Variants in MCUB observed in about 807,000 individuals in gnomAD.
MCUB encodes the protein calcium uniporter regulatory subunit MCUb, mitochondrial.
In MCUB, 46 loss-of-function variants were observed where a neutral mutation model predicts 41.4. That is an observed-to-expected ratio of 1.11 (90% CI 0.88 to 1.42). The LOEUF (loss-of-function observed/expected upper bound fraction) is 1.42, where lower values mean the gene tolerates loss of function less well. Ranked by LOEUF, MCUB falls within the 40% of genes most tolerant of loss-of-function variation. The probability of loss-of-function intolerance (pLI) is 0.00; values close to 1 mark genes in which losing one functional copy is unlikely to be tolerated. For missense variants in MCUB, 403 were observed against 404.9 expected (o/e 1.00, Z 0.04); for synonymous variants, 148 against 148.2 (o/e 1.00, Z 0.01).
intron 4 of MCUB, among the ~76,000 whole-genome samples, chr4:109,670,797 G>A (rs1008850077): frequency 6.6e-6 from 1 of 151,836 alleles, no homozygotes; most frequent in South Asian, 2.1e-4. Flanking sequence ...TCCTGCTGCC[G>A]TAAGGAGGAG....
intron 1 of MCUB, among the ~76,000 whole-genome samples, chr4:109,600,308 C>T (rs148289720): frequency 6.6e-6 from 1 of 152,046 alleles, no homozygotes; most frequent in Non-Finnish European, 1.5e-5. Context: ...GCCATGTAGC[C>T]CTCATCTGAA....
At chr4:109,594,010 G>C (rs140154449) in intron 1 of MCUB, among the ~76,000 whole-genome samples, 2 of 152,272 alleles carry the variant, frequency 1.3e-5, no homozygotes, top group East Asian at 3.9e-4. Flanking sequence ...ACCTTGACTT[G>C]TTCCTTGACA....
chr4:109,613,564 G>T (rs1342053765), intron 1 of MCUB, among the ~76,000 whole-genome samples: 12 of 152,202 alleles, frequency 7.9e-5, no homozygotes, highest in African/African-American at 2.9e-4. Flanking sequence ...TTTCATCAAA[G>T]TATGCAAGCT....
intron 1 of MCUB, among the ~76,000 whole-genome samples, chr4:109,568,770 C>T (rs1005616406): frequency 2.6e-5 from 4 of 152,178 alleles, no homozygotes; most frequent in African/African-American, 9.7e-5. Context: ...AATCTGTGGT[C>T]GGAACTGTTT....
chr4:109,676,290 G>A (rs952138879), intron 4 of MCUB, among the ~76,000 whole-genome samples: 1 of 152,168 alleles, frequency 6.6e-6, no homozygotes, highest in African/African-American at 2.4e-5. Context: ...TATAATCCCG[G>A]CACTTTAGGA....
At chr4:109,589,606 A>G (rs1431981593) in intron 1 of MCUB, among the ~76,000 whole-genome samples, 1 of 152,160 alleles carries the variant, frequency 6.6e-6, no homozygotes, top group Non-Finnish European at 1.5e-5. Flanking sequence ...TATTGAATTG[A>G]GTCCCTTCAG....
intron 1 of MCUB, among the ~76,000 whole-genome samples, chr4:109,594,607 C>A (rs528131183): frequency 6.6e-6 from 1 of 151,876 alleles, no homozygotes; most frequent in Non-Finnish European, 1.5e-5. Flanking sequence ...TGCAGTGAGC[C>A]AAGATTGCGC....
chr4:109,584,651 T>C (rs1727262616), intron 1 of MCUB, among the ~76,000 whole-genome samples: 1 of 152,242 alleles, frequency 6.6e-6, no homozygotes, highest in South Asian at 2.1e-4. Flanking sequence ...TGGTACCTTG[T>C]GTCTTTGTTC....
chr4:109,647,003 C>T (rs1357273103), intron 1 of MCUB, among the ~76,000 whole-genome samples: 1 of 151,940 alleles, frequency 6.6e-6, no homozygotes, highest in African/African-American at 2.4e-5. Flanking sequence ...AAGCGAGTAC[C>T]CCTCCCCACT....
intron 1 of MCUB, among the ~76,000 whole-genome samples, chr4:109,629,158 A>G (rs1278417667): frequency 6.6e-6 from 1 of 151,844 alleles, no homozygotes; most frequent in Admixed American, 6.6e-5. Flanking sequence ...TTTTCTTGAG[A>G]TGGAGTCTTG....
chr4:109,666,320 A>C (rs1016048891), intron 4 of MCUB, among the ~76,000 whole-genome samples: 1 of 152,206 alleles, frequency 6.6e-6, no homozygotes, highest in African/African-American at 2.4e-5. Flanking sequence ...AATACCCAGG[A>C]ACATGATTGC....
intron 1 of MCUB, among the ~76,000 whole-genome samples, chr4:109,613,618 G>C (rs989276364): frequency 3.3e-5 from 5 of 152,126 alleles, no homozygotes; most frequent in African/African-American, 9.7e-5. Flanking sequence ...TAATTCATTT[G>C]TTATGTAATC....
intron 1 of MCUB, among the ~76,000 whole-genome samples, chr4:109,603,542 T>G (rs547380367): frequency 1.1e-4 from 16 of 151,578 alleles, no homozygotes; most frequent in African/African-American, 3.4e-4. Context: ...GAGGAGTGTC[T>G]CTGCCTGGCT....
chr4:109,612,643 A>G (rs572387627), intron 1 of MCUB, among the ~76,000 whole-genome samples: 1 of 152,248 alleles, frequency 6.6e-6, no homozygotes, highest in South Asian at 2.1e-4. Context: ...TATCTTTCAA[A>G]GGCTCAATCT....
chr4:109,658,932 C>A, intron 1 of MCUB, 79 bp from the exon 2 acceptor site: 2 of 835,684 alleles, frequency 2.4e-6, no homozygotes, highest in Non-Finnish European at 4.0e-6. Context: ...TAAAAAGAAT[C>A]TTATGGTAAA....
intron 1 of MCUB, among the ~76,000 whole-genome samples, chr4:109,658,028 G>C (rs1729143639): frequency 6.6e-6 from 1 of 152,194 alleles, no homozygotes; most frequent in Admixed American, 6.5e-5. Context: ...GGGTCTCACT[G>C]TGTCGGCCAG....
intron 1 of MCUB, among the ~76,000 whole-genome samples, chr4:109,598,094 G>A (rs530169371): frequency 2.0e-5 from 3 of 148,222 alleles, no homozygotes; most frequent in Non-Finnish European, 3.0e-5. Context: ...GGACGGAGAC[G>A]CTCCTCACTT....
intron 1 of MCUB, among the ~76,000 whole-genome samples, chr4:109,567,843 C>T (rs1021996237): frequency 9.9e-5 from 15 of 152,018 alleles, no homozygotes; most frequent in Admixed American, 3.9e-4. Context: ...GGACTACAGC[C>T]GCCCGCCACC....
At chr4:109,670,312 AGGTTG>A (rs879584403) in intron 4 of MCUB, among the ~76,000 whole-genome samples, 4,944 of 152,196 alleles carry the variant, frequency 0.032, 269 homozygotes, top group African/African-American at 0.11. Flanking sequence ...GGATGGTTAC[AGGTTG>A]CTGAAGTTGG....
Sources: allele counts gnomAD v4.1 joint callset (sites outside exome capture counted in the v4.1 genomes callset), GRCh38; gene constraint gnomAD v4.1.1; transcripts MANE v1.5; gene names NCBI Gene and HGNC (gene_info 2026-07-23, HGNC 2026-07-21).